Variants in KIFBP observed in about 807,000 individuals in gnomAD.
KIFBP encodes the protein KIF-binding protein.
A neutral mutation model predicts 58.9 loss-of-function variants in KIFBP; 46 were observed. That is an observed-to-expected ratio of 0.78 (90% CI 0.62 to 1.00). KIFBP has a LOEUF of 1.00. Ranked by LOEUF, KIFBP falls within the 50% of genes least tolerant of loss-of-function variation. KIFBP has a pLI of 0.00. For missense variants in KIFBP, 651 were observed against 752.9 expected, an observed-to-expected ratio of 0.86 and a Z score of 1.58; for synonymous variants, 241 against 283.4, an observed-to-expected ratio of 0.85 and a Z score of 1.50.
chr10:69,001,140 G>A (rs1358383999), intron 2 of KIFBP, among the ~76,000 whole-genome samples: 2 of 150,066 alleles, frequency 1.3e-5, no homozygotes, highest in Non-Finnish European at 3.0e-5. Context: ...TTTTTAACCC[G>A]TGAAACCCTT....
intron 6 of KIFBP, among the ~76,000 whole-genome samples, chr10:69,012,849 C>T (rs538267928): frequency 1.3e-5 from 2 of 152,160 alleles, no homozygotes; most frequent in South Asian, 2.1e-4. Context: ...GCCAAGACTG[C>T]ACCACTGCAC....
At chr10:69,007,062 TATTC>T (rs1298753749) in intron 4 of KIFBP, 2 of 152,204 alleles carry the variant, frequency 1.3e-5, no homozygotes, top group Non-Finnish European at 2.9e-5. Flanking sequence ...GGAGGCCCCT[TATTC>T]ATTCTGTTTA....
chr10:68,994,404 A>C (rs2256218), intron 1 of KIFBP, among the ~76,000 whole-genome samples: 75,363 of 151,774 alleles, frequency 0.5, 18,949 homozygotes, highest in Middle Eastern at 0.59. Flanking sequence ...AATCTGGTGT[A>C]TTCTCCTTGG....
chr10:69,013,475 G>T (rs1385533498), intron 6 of KIFBP, among the ~76,000 whole-genome samples: 2 of 152,046 alleles, frequency 1.3e-5, no homozygotes, highest in Non-Finnish European at 2.9e-5. Flanking sequence ...TGGAAAAGGA[G>T]GGTTGCAGGG....
chr10:69,008,524 A>T (rs1397727203), intron 4 of KIFBP, among the ~76,000 whole-genome samples: 1 of 150,448 alleles, frequency 6.6e-6, no homozygotes, highest in Non-Finnish European at 1.5e-5. Flanking sequence ...TAAGTCTAGG[A>T]TGACAGCCAT....
chr10:68,999,193 G>A (rs1426667964), intron 1 of KIFBP, among the ~76,000 whole-genome samples: 1 of 151,922 alleles, frequency 6.6e-6, no homozygotes, highest in Admixed American at 6.6e-5. Flanking sequence ...TGCCTCCCAG[G>A]TTCAGGCAGT....
chr10:68,991,135 G>C (rs944253777), intron 1 of KIFBP: 3 of 152,494 alleles, frequency 2.0e-5, no homozygotes, highest in Non-Finnish European at 4.4e-5. Context: ...ATTATTCCAG[G>C]CATGGCTGCT....
At chr10:69,006,161 C>CT (rs1016103472) in intron 4 of KIFBP, among the ~76,000 whole-genome samples, 11 of 152,088 alleles carry the variant, frequency 7.2e-5, no homozygotes, top group African/African-American at 2.4e-4. Context: ...AAGACCAATT[C>CT]TTTTTTTAAC....
At chr10:68,990,239 A>G (rs1843325727) in intron 1 of KIFBP, among the ~76,000 whole-genome samples, 1 of 151,784 alleles carries the variant, frequency 6.6e-6, no homozygotes, top group African/African-American at 2.4e-5. Flanking sequence ...GGTTTCTTAA[A>G]TAAATCTGGG....
intron 1 of KIFBP, among the ~76,000 whole-genome samples, chr10:68,990,244 T>G (rs984184167): frequency 1.1e-4 from 17 of 152,122 alleles, no homozygotes; most frequent in Non-Finnish European, 1.9e-4. Flanking sequence ...CTTAAATAAA[T>G]CTGGGCAGGG....
intron 4 of KIFBP, chr10:69,006,797 G>T (rs561381193): frequency 6.6e-6 from 1 of 152,088 alleles, no homozygotes; most frequent in South Asian, 2.1e-4. Context: ...TTTCGTTAGC[G>T]TTGGTTCTGT....
chr10:68,998,349 AATG>A (rs1843428567), intron 1 of KIFBP, among the ~76,000 whole-genome samples: 2 of 152,216 alleles, frequency 1.3e-5, no homozygotes, highest in South Asian at 2.1e-4. Context: ...ATTGTAAAGT[AATG>A]ATGAGCATAA....
intron 4 of KIFBP, among the ~76,000 whole-genome samples, chr10:69,006,256 T>A (rs1843535199): frequency 6.6e-6 from 1 of 152,234 alleles, no homozygotes; most frequent in Non-Finnish European, 1.5e-5. Context: ...TATCTTTACG[T>A]AATGGTAATC....
chr10:69,010,968 A>G lies in KIFBP; in HGVS notation c.943A>G (p.Ile315Val), dbSNP rs1843583692. ...AAAGGGGGAAATAGCAAGGTGCTGG[A>G]TCAAATACTGTTTGACTCTCATGCA... ...QRKGEIARCW[I>V]KYCLTLMQNA... Residue 315 changes from isoleucine to valine, a missense_variant, in exon 6 of 7, where the codon ATC (isoleucine) becomes GTC (valine). By Grantham distance (29) the Ile-to-Val change is conservative. Coordinates refer to ENST00000361983, the MANE Select transcript of KIFBP (RefSeq NM_015634.4). 1.2e-6 allele frequency: 2 copies of G among 1,614,178 alleles called. No homozygotes were observed. Among genetic ancestry groups the G allele is most frequent in the Non-Finnish European group, 1.7e-6 (2 of 1,179,990 alleles).
rs776459431 is a variant in KIFBP, at chr10:69,015,676, G to A, written c.1126G>A (p.Ala376Thr). Residue 376 changes from alanine (A) to threonine (T), a missense_variant, in exon 7 of 7, where the codon GCA becomes ACA. Ala to Thr is a moderately conservative substitution (Grantham distance 58). Coordinates refer to ENST00000361983, the MANE Select transcript of KIFBP (RefSeq NM_015634.4). ...CGGTGAACTGTGTGATGCCATCTCT[G>A]CAGTAGAAGAGAAAGTGAGCTACTT... ...GTGELCDAIS[A>T]VEEKVSYLRP... is the part of the protein sequence containing the mutation. 95 of 1,614,090 alleles carry A rather than the reference G, an allele frequency of 5.9e-5. 1 individual carries two copies. The South Asian group carries it at 9.3e-4, about 16-fold the overall frequency.
intron 6 of KIFBP, among the ~76,000 whole-genome samples, chr10:69,013,588 A>G (rs1226659817): frequency 6.6e-6 from 1 of 152,012 alleles, no homozygotes; most frequent in Non-Finnish European, 1.5e-5. Context: ...AGATTTAGAG[A>G]CTTATGATCT....
intron 1 of KIFBP, among the ~76,000 whole-genome samples, chr10:68,995,013 T>G (rs1843390687): frequency 6.6e-6 from 1 of 151,780 alleles, no homozygotes; most frequent in Non-Finnish European, 1.5e-5. Flanking sequence ...GCTGGGACTA[T>G]GTAGAAATTT....
chr10:69,015,966 G>A lies in KIFBP; in HGVS notation c.1416G>A (p.Gln472=), dbSNP rs1838997269. 1 of 1,614,150 alleles carries A rather than the reference G, an allele frequency of 6.2e-7. No homozygotes were observed. The highest frequency in any genetic ancestry group is 8.5e-7 in the Non-Finnish European group (1 of 1,180,002). ...NPQYYLLVNR[Q]IQFEIAHAYY... ...AGTATTATCTGTTGGTCAACAGACA[G>A]ATCCAGTTTGAAATTGCACATGCTT... The change falls in exon 7 of 7, where the codon CAG becomes CAA. Residue 472 remains glutamine (Q), a synonymous_variant. Coordinates refer to ENST00000361983, the MANE Select transcript of KIFBP (RefSeq NM_015634.4).
chr10:68,996,136 C>T (rs1843404859), intron 1 of KIFBP, among the ~76,000 whole-genome samples: 1 of 147,014 alleles, frequency 6.8e-6, no homozygotes, highest in South Asian at 2.2e-4. Flanking sequence ...CCAGACTGGG[C>T]AACAGAGCAA....
Sources: allele counts gnomAD v4.1 joint callset (sites outside exome capture counted in the v4.1 genomes callset), GRCh38; gene constraint gnomAD v4.1.1; transcripts MANE v1.5; gene names NCBI Gene and HGNC (gene_info 2026-07-23, HGNC 2026-07-21).